MGRN1: variants seen among roughly 807,000 people sequenced by gnomAD.
The protein encoded by MGRN1 is E3 ubiquitin-protein ligase MGRN1.
A neutral mutation model predicts 69.2 loss-of-function variants in MGRN1; 29 were observed. The observed-to-expected ratio is 0.42, with a 90% confidence interval of 0.31 to 0.57. The LOEUF (loss-of-function observed/expected upper bound fraction) is 0.57. Among genes scored for constraint, MGRN1 ranks in the 20% least tolerant of loss-of-function variants. The pLI, the probability that MGRN1 is intolerant of heterozygous loss-of-function variation, is 0.15. For missense variants in MGRN1, 998 were observed against 796.2 expected, an observed-to-expected ratio of 1.25 and a Z score of -3.05; for synonymous variants, 470 against 344.2, an observed-to-expected ratio of 1.37 and a Z score of -4.04.
At chr16:4,667,356 G>A (rs752055149) in intron 7 of MGRN1, among the ~76,000 whole-genome samples, 2 of 152,312 alleles carry the variant, frequency 1.3e-5, no homozygotes, top group Non-Finnish European at 2.9e-5. Flanking sequence ...CCCGGGTCCA[G>A]GACCACAGAC....
At chr16:4,668,618 GCAGT>G (rs2078862954) in intron 8 of MGRN1, among the ~76,000 whole-genome samples, 2 of 150,752 alleles carry the variant, frequency 1.3e-5, no homozygotes, top group African/African-American at 2.4e-5. Flanking sequence ...ACACTCACAT[GCAGT>G]CATTCAGATG....
chr16:4,682,941 C>G lies in MGRN1; in HGVS notation c.1477C>G (p.Pro493Ala), dbSNP rs1407715198. 6.3e-7 allele frequency: 1 copy of G among 1,575,460 alleles called. No homozygotes were observed. Among genetic ancestry groups the G allele is most frequent in the Non-Finnish European group, 8.6e-7 (1 of 1,158,452 alleles). ...GCTGGCCCTGCGGGAAAGCAGCTCCCCTGAGGTGAGGCCCCCCCGGGGAAG... is the reference window on the plus strand; with the variant it reads ...GCTGGCCCTGCGGGAAAGCAGCTCCGCTGAGGTGAGGCCCCCCCGGGGAAG... ...AELALRESSS[P>A]ESFITEEVDE... Residue 493 changes from proline (P) to alanine (A), a missense_variant, in exon 14 of 17, where the codon CCT becomes GCT. Physicochemically the swap from Pro to Ala is conservative, Grantham distance 27. Coordinates refer to ENST00000262370, the MANE Select transcript of MGRN1 (RefSeq NM_015246.4).
At position 4,689,073 on chromosome 16, in the gene MGRN1, C is replaced by T. The variant is rs2079401570; in HGVS notation, c.*165C>T. Reference sequence around the variant, plus strand: ...GATCAAAGAGCACAGTGAACTGTCCCTTCTGAGTCTCCCTTTTCTACAGTT... The same window carrying T: ...GATCAAAGAGCACAGTGAACTGTCCTTTCTGAGTCTCCCTTTTCTACAGTT... On this transcript the variant is annotated 3_prime_UTR_variant, in exon 17 of 17. Coordinates refer to ENST00000262370, the MANE Select transcript of MGRN1 (RefSeq NM_015246.4). 4 of 887,114 alleles carry T rather than the reference C, an allele frequency of 4.5e-6. No individual in the cohort carries two copies. Among genetic ancestry groups the T allele is most frequent in the South Asian group, 4.3e-5 (2 of 47,024 alleles). 55.0% of individuals were successfully genotyped at this position (887,114 alleles called of 1,614,324 possible). A position where few individuals can be genotyped will look rare whatever the true frequency, so the allele number is the denominator to read the frequency against.
rs758849054 is a variant in MGRN1 at position 4,688,946 on chromosome 16, C to T, written c.*38C>T. 10 of 1,513,474 alleles carry T rather than the reference C, an allele frequency of 6.6e-6. No homozygotes were observed. In the East Asian group the frequency reaches 1.5e-4, roughly 23 times the overall value. 93.8% of individuals were successfully genotyped at this position (1,513,474 alleles called of 1,614,324 possible). A position where few individuals can be genotyped will look rare whatever the true frequency, so the allele number is the denominator to read the frequency against. On this transcript the variant is annotated 3_prime_UTR_variant, in exon 17 of 17. Transcript: ENST00000262370. ...GCTGGCAGCATGGAGCCCTCGGCTCCCCAGACTTTGCCGAGGGGCTGCTCC... is the reference window on the plus strand; with the variant it reads ...GCTGGCAGCATGGAGCCCTCGGCTCTCCAGACTTTGCCGAGGGGCTGCTCC...
intron 1 of MGRN1, among the ~76,000 whole-genome samples, chr16:4,629,858 CAACAAGGTGAAACCTCGTCT>C (rs372957010): frequency 7.9e-5 from 12 of 151,670 alleles, no homozygotes; most frequent in African/African-American, 2.2e-4. Context: ...CCAGCCTGGC[CAACAAGGTGAAACCTCGTCT>C]CTACTAAAAA....
At chr16:4,636,874 C>G (rs1484423748) in intron 1 of MGRN1, among the ~76,000 whole-genome samples, 1 of 151,892 alleles carries the variant, frequency 6.6e-6, no homozygotes, top group Non-Finnish European at 1.5e-5. Context: ...AATCCCAGCA[C>G]TTTGGGAGGC....
chr16:4,673,079 C>T (rs370703085), intron 9 of MGRN1, among the ~76,000 whole-genome samples: 3 of 152,244 alleles, frequency 2.0e-5, no homozygotes, highest in African/African-American at 7.2e-5. Flanking sequence ...ACCTCGTGAT[C>T]TGCCCGCCTC....
chr16:4,642,652 A>T (rs529336760), intron 1 of MGRN1, among the ~76,000 whole-genome samples: 2 of 151,920 alleles, frequency 1.3e-5, no homozygotes, highest in Non-Finnish European at 2.9e-5. Context: ...GTAGAAACAG[A>T]CTTTCCCATG....
At chr16:4,642,230 G>A (rs1282582128) in intron 1 of MGRN1, among the ~76,000 whole-genome samples, 3 of 151,206 alleles carry the variant, frequency 2.0e-5, no homozygotes, top group Non-Finnish European at 4.4e-5. Flanking sequence ...TCTTGGGTTC[G>A]AGAGATTCTC....
chr16:4,680,137 C>A, intron 12 of MGRN1, 40 bp downstream of exon 12: 1 of 1,597,868 alleles, frequency 6.3e-7, no homozygotes, highest in Non-Finnish European at 8.6e-7. Flanking sequence ...TTTGCCCCCG[C>A]CCTCATTTTT....
intron 8 of MGRN1, among the ~76,000 whole-genome samples, chr16:4,670,318 C>G (rs890691686): frequency 6.6e-6 from 1 of 152,260 alleles, no homozygotes; most frequent in Non-Finnish European, 1.5e-5. Context: ...TCCCAGCTTA[C>G]TGTAGCCTCC....
chr16:4,654,045 C>T (rs1355630109), intron 4 of MGRN1, among the ~76,000 whole-genome samples: 1 of 152,194 alleles, frequency 6.6e-6, no homozygotes, highest in Admixed American at 6.5e-5. Context: ...AGCCCCCATG[C>T]CCGGCCCACC....
chr16:4,680,684 G>C (rs2079163097), intron 12 of MGRN1: 1 of 153,194 alleles, frequency 6.5e-6, no homozygotes, highest in African/African-American at 2.4e-5. Flanking sequence ...GGGGTGAGGG[G>C]ATTCTGTGTG....
chr16:4,625,076 G>A (rs1181641416), intron 1 of MGRN1, 28 bp downstream of exon 1: 1 of 1,509,074 alleles, frequency 6.6e-7, no homozygotes, highest in Admixed American at 2.3e-5. Context: ...GGCGCGGACT[G>A]CTAGGCACGC....
chr16:4,679,461 G>A (rs2141969872), intron 11 of MGRN1, among the ~76,000 whole-genome samples: 1 of 151,924 alleles, frequency 6.6e-6, no homozygotes, highest in African/African-American at 2.4e-5. Context: ...CTCCTCACCT[G>A]CCAGGTTCCT....
chr16:4,685,135 C>T (rs530984631), intron 16 of MGRN1, among the ~76,000 whole-genome samples: 1 of 152,358 alleles, frequency 6.6e-6, no homozygotes, highest in South Asian at 2.1e-4. Flanking sequence ...GACCAGCTTA[C>T]CTTAAAGTGA....
rs774850865 is a variant in MGRN1 at position 4,657,273 on chromosome 16, G to A, written c.471G>A (p.Gln157=). Residue 157 remains glutamine, a synonymous_variant, in exon 5 of 17, where the codon CAG becomes CAA. Transcript: ENST00000262370. ...ACAGCCCCAAGAGCCCCTCGCTACA[G>A]TCCGAGACCGTCCACTACAAGAGAG... ...AVYSPKSPSL[Q]SETVHYKRGV... The A allele has an allele frequency of 2.9e-5, 47 of 1,614,008 alleles. No homozygotes were observed. The highest frequency in any genetic ancestry group is 1.0e-5 in the Non-Finnish European group (12 of 1,179,968).
At chr16:4,665,595 C>T (rs2078785437) in intron 7 of MGRN1, among the ~76,000 whole-genome samples, 1 of 151,742 alleles carries the variant, frequency 6.6e-6, no homozygotes, top group South Asian at 2.1e-4. Context: ...TCTCAAACTC[C>T]TGACCTCAAG....
Position 4,657,307 on chromosome 16 carries a change from C to A in MGRN1, c.505C>A (p.Gln169Lys). Residue 169 changes from glutamine to lysine, a missense_variant, in exon 5 of 17, where the codon CAG becomes AAG. By Grantham distance (53) the Gln-to-Lys change is moderately conservative. Transcript: ENST00000262370. ...ETVHYKRGVS[Q>K]QFSLPSFKID... ...CGTCCACTACAAGAGAGGGGTGAGC[C>A]AGCAGTTCTCCCTGCCCTCCTTCAA... 1.2e-6 allele frequency: 2 copies of A among 1,614,194 alleles called. No individual in the cohort carries two copies. Among genetic ancestry groups the A allele is most frequent in the Non-Finnish European group, 1.7e-6 (2 of 1,180,002 alleles).
Sources: allele counts gnomAD v4.1 joint callset (sites outside exome capture counted in the v4.1 genomes callset), GRCh38; gene constraint gnomAD v4.1.1; transcripts MANE v1.5; gene names NCBI Gene and HGNC (gene_info 2026-07-23, HGNC 2026-07-21).